HMCN1: variants seen among roughly 807,000 people sequenced by gnomAD.
The protein encoded by HMCN1 is hemicentin 1.
Under a neutral mutation model 625.9 loss-of-function variants are expected in HMCN1, and 321 were observed. The observed-to-expected ratio is 0.51, with a 90% CI of 0.47 to 0.56. The LOEUF is 0.56. Among genes scored for constraint, HMCN1 ranks in the 20% least tolerant of loss-of-function variants. The pLI, the probability that HMCN1 is intolerant of heterozygous loss-of-function variation, is 0.00. For missense variants in HMCN1, 6,588 were observed against 6,887.3 expected, an observed-to-expected ratio of 0.96 and a Z score of 1.54; for synonymous variants, 2,425 against 2,417.6, an observed-to-expected ratio of 1.00 and a Z score of -0.09.
At chr1:186,050,060 A>G (rs1193200302) in intron 42 of HMCN1, among the ~76,000 whole-genome samples, 1 of 151,428 alleles carries the variant, frequency 6.6e-6, no homozygotes, top group Non-Finnish European at 1.5e-5. Context: ...TGGGAAAAAT[A>G]TTTATTATTT....
At chr1:185,853,709 T>G (rs1193173494) in intron 2 of HMCN1, among the ~76,000 whole-genome samples, 1 of 152,190 alleles carries the variant, frequency 6.6e-6, no homozygotes, top group Non-Finnish European at 1.5e-5. Flanking sequence ...TTGTTGATAT[T>G]GTAATGATCT....
chr1:185,760,916 C>T (rs757327029), intron 1 of HMCN1, among the ~76,000 whole-genome samples: 4 of 152,118 alleles, frequency 2.6e-5, no homozygotes, highest in African/African-American at 4.8e-5. Flanking sequence ...GTCAGAGTCT[C>T]GTGACTAGTA....
intron 1 of HMCN1, among the ~76,000 whole-genome samples, chr1:185,759,876 G>A (rs1221463518): frequency 6.6e-6 from 1 of 152,086 alleles, no homozygotes; most frequent in African/African-American, 2.4e-5. Flanking sequence ...TTAAACATAA[G>A]TAATAAAGCA....
chr1:185,817,443 C>T (rs538180536), intron 1 of HMCN1, among the ~76,000 whole-genome samples: 4 of 151,688 alleles, frequency 2.6e-5, no homozygotes, highest in Non-Finnish European at 4.4e-5. Flanking sequence ...GGGCCCAGGG[C>T]GGGGTGTGTG....
At chr1:186,085,738 TCTTC>T (rs1659440608) in intron 57 of HMCN1, among the ~76,000 whole-genome samples, 1 of 152,052 alleles carries the variant, frequency 6.6e-6, no homozygotes, top group Non-Finnish European at 1.5e-5. Context: ...GCCATTTCTT[TCTTC>T]CTTCTTGTTT....
At chr1:185,745,738 TC>T (rs1654347840) in intron 1 of HMCN1, among the ~76,000 whole-genome samples, 1 of 149,382 alleles carries the variant, frequency 6.7e-6, no homozygotes. Flanking sequence ...CCTGTCTGTC[TC>T]CAGGTATCAC....
intron 1 of HMCN1, among the ~76,000 whole-genome samples, chr1:185,788,979 T>G (rs1283435443): frequency 6.6e-6 from 1 of 152,212 alleles, no homozygotes; most frequent in Non-Finnish European, 1.5e-5. Context: ...AGGTAAAGTT[T>G]TATAAGCATT....
intron 97 of HMCN1, among the ~76,000 whole-genome samples, chr1:186,158,578 T>G (rs1158865914): frequency 2.0e-5 from 3 of 152,068 alleles, no homozygotes; most frequent in African/African-American, 2.4e-5. Flanking sequence ...GGTCTAACGT[T>G]TAAGTCTTTA....
At chr1:185,997,601 A>G (rs1652892563) in intron 25 of HMCN1, 77 bp downstream of exon 25, 1 of 1,007,558 alleles carries the variant, frequency 9.9e-7, no homozygotes, top group Non-Finnish European at 1.6e-6. Context: ...CCAAATTGTC[A>G]TCCTTATAAA....
In HMCN1 at chr1:186,171,357, T is replaced by G. The variant is rs1652220327; in HGVS notation, c.15595T>G (p.Ser5199Ala). ...AACAGATATTAATGAATGTCAAGAATCCAGCCCCTGTCACCAGCGCTGTTT... is the reference window on the plus strand; with the variant it reads ...AACAGATATTAATGAATGTCAAGAAGCCAGCCCCTGTCACCAGCGCTGTTT... The part of the protein sequence containing the change: ...SCQDINECQE[S>A]SPCHQRCFNA... The change falls in exon 101 of 107, where the codon TCC becomes GCC. Residue 5199 changes from serine to alanine, a missense_variant. This residue lies in a region of HMCN1 where 1,954 missense variants were observed against 2,013.1 expected (regional missense o/e 0.97). Transcript: ENST00000271588. 1.2e-6 allele frequency: 2 copies of G among 1,613,336 alleles called. No individual in the cohort carries two copies. Among genetic ancestry groups the G allele is most frequent in the South Asian group, 1.1e-5 (1 of 91,078 alleles).
intron 1 of HMCN1, among the ~76,000 whole-genome samples, chr1:185,831,841 A>G (rs897602531): frequency 6.6e-6 from 1 of 152,214 alleles, no homozygotes; most frequent in Non-Finnish European, 1.5e-5. Flanking sequence ...AAAAGAAATA[A>G]AAAACCTTCT....
chr1:186,140,262 C>A (rs1381946530), intron 89 of HMCN1, among the ~76,000 whole-genome samples: 2 of 152,126 alleles, frequency 1.3e-5, no homozygotes, highest in African/African-American at 4.8e-5. Flanking sequence ...TCCACGATCA[C>A]ACTTGTACTT....
Position 185,909,638 on chromosome 1 carries a change from G to C in HMCN1, c.793+130G>C, listed in dbSNP as rs1260354555. 4.9e-6 allele frequency: 4 copies of C among 821,666 alleles called. No individual in the cohort carries two copies. The African/African-American group carries it at 6.9e-5, about 14-fold the overall frequency. 50.9% of individuals were successfully genotyped at this position (821,666 alleles called of 1,614,324 possible). A position where few individuals can be genotyped will look rare whatever the true frequency, so the allele number is the denominator to read the frequency against. Reference sequence around the variant, plus strand: ...TTCAATAAATTCAGAAGTGGCTAAGGAAGGTGTTTAAAAAATGTAACATTT... The same window carrying C: ...TTCAATAAATTCAGAAGTGGCTAAGCAAGGTGTTTAAAAAATGTAACATTT... On this transcript the variant is annotated intron_variant, in intron 5 of 106. Coordinates refer to ENST00000271588, the MANE Select transcript of HMCN1 (RefSeq NM_031935.3).
intron 82 of HMCN1, among the ~76,000 whole-genome samples, 180 bp from the exon 83 acceptor site, chr1:186,127,898 T>G (rs545724343): frequency 2.0e-5 from 3 of 152,306 alleles, no homozygotes; most frequent in Admixed American, 6.5e-5. Context: ...ATGTTTAAAC[T>G]TCTATACATT....
At chr1:186,078,338 T>C (rs542380537) in intron 55 of HMCN1, 118 bp downstream of exon 55, 12 of 739,062 alleles carry the variant, frequency 1.6e-5, no homozygotes, top group African/African-American at 1.4e-4. Flanking sequence ...CAGAAACTGA[T>C]AGTTCTCCCA....
At chr1:186,180,522 A>C (rs1263214929) in intron 104 of HMCN1, among the ~76,000 whole-genome samples, 1 of 152,210 alleles carries the variant, frequency 6.6e-6, no homozygotes, top group African/African-American at 2.4e-5. Flanking sequence ...AGTTATTTTA[A>C]GAAAGCTTCC....
At chr1:186,117,334 A>C in intron 76 of HMCN1, 125 bp from the exon 77 acceptor site, 1 of 1,213,502 alleles carries the variant, frequency 8.2e-7, no homozygotes, top group South Asian at 1.3e-5. Context: ...AAAAGGAGGA[A>C]TCCCTTTTCT....
intron 63 of HMCN1, among the ~76,000 whole-genome samples, chr1:186,089,704 A>T (rs1358376727): frequency 6.6e-6 from 1 of 151,952 alleles, no homozygotes; most frequent in Admixed American, 6.6e-5. Flanking sequence ...TATGTCTTAG[A>T]ACTAGAAATA....
intron 1 of HMCN1, among the ~76,000 whole-genome samples, chr1:185,742,700 A>G (rs768657618): frequency 2.0e-5 from 3 of 152,232 alleles, no homozygotes; most frequent in Admixed American, 6.5e-5. Flanking sequence ...TCTTATGTCC[A>G]AGAGAAATTC....
Sources: gnomAD v4.1 joint callset for allele counts (sites outside exome capture counted in the v4.1 genomes callset) on GRCh38, gnomAD v4.1.1 for gene constraint, gnomAD v4.1.1 regional missense constraint, MANE v1.5 for transcripts, NCBI Gene and HGNC (gene_info 2026-07-23, HGNC 2026-07-21) for gene names.